MLIP: variants seen among roughly 807,000 people sequenced by gnomAD.
The protein encoded by MLIP is muscular LMNA-interacting protein.
In MLIP, 79 loss-of-function variants were observed where a neutral mutation model predicts 84.8. That is an observed-to-expected ratio of 0.93 (90% CI 0.78 to 1.12). MLIP has a LOEUF of 1.12. MLIP is among the 50% of genes most tolerant of loss of function. The pLI is 0.00. For missense variants in MLIP, 1,257 were observed against 1,160.6 expected, an observed-to-expected ratio of 1.08 and a Z score of -1.21; for synonymous variants, 504 against 463.0, an observed-to-expected ratio of 1.09 and a Z score of -1.14.
intron 1 of MLIP, among the ~76,000 whole-genome samples, chr6:54,092,172 C>T (rs943446553): frequency 7.2e-5 from 11 of 152,158 alleles, no homozygotes; most frequent in Non-Finnish European, 1.0e-4. Context: ...ATTTATCACA[C>T]GCACTGGCAC....
chr6:54,243,910 A>C (rs757523746), intron 12 of MLIP, among the ~76,000 whole-genome samples: 1 of 152,196 alleles, frequency 6.6e-6, no homozygotes, highest in East Asian at 1.9e-4. Flanking sequence ...AGGCCATGGC[A>C]TGAGTTACTG....
At chr6:54,026,194 A>G (rs1011391140) in intron 1 of MLIP, among the ~76,000 whole-genome samples, 4 of 152,172 alleles carry the variant, frequency 2.6e-5, no homozygotes, top group Non-Finnish European at 4.4e-5. Context: ...CGAGATGTCA[A>G]TAAGAGGATT....
intron 9 of MLIP, among the ~76,000 whole-genome samples, chr6:54,185,768 T>C (rs1352719156): frequency 3.3e-5 from 5 of 152,188 alleles, no homozygotes; most frequent in Non-Finnish European, 5.9e-5. Context: ...GCTTTCATTA[T>C]TGCAATAAGA....
intron 1 of MLIP, among the ~76,000 whole-genome samples, chr6:54,033,879 TTACTAC>T: frequency 6.6e-6 from 1 of 152,316 alleles, no homozygotes; most frequent in South Asian, 2.1e-4. Flanking sequence ...GAATAAAATC[TTACTAC>T]TATAGACTCT....
At chr6:54,021,418 A>G (rs1442924659) in intron 1 of MLIP, among the ~76,000 whole-genome samples, 4 of 152,214 alleles carry the variant, frequency 2.6e-5, no homozygotes, top group Admixed American at 6.5e-5. Flanking sequence ...TCACGCACTT[A>G]AGCAATATGT....
chr6:54,035,032 T>G, intron 1 of MLIP, among the ~76,000 whole-genome samples: 1 of 152,282 alleles, frequency 6.6e-6, no homozygotes, highest in East Asian at 1.9e-4. Context: ...GTTGTACAGG[T>G]TTGTAGCCTA....
chr6:54,254,145 T>C lies in MLIP; in HGVS notation c.2923-3163T>C, dbSNP rs543355959. ...TTTTTTGCTGTTTTTTTTTTTTTTT[T>C]ACGTGGAGTGTTGCTCTGTCACCCA... is the stretch of plus-strand genomic sequence containing the variant. On this transcript the variant is annotated intron_variant, in intron 12 of 13. Transcript: ENST00000502396. Among the ~76,000 whole-genome samples the C allele has an allele frequency of 5.3e-3, 770 of 144,424 alleles. 7 individuals are homozygous for C. The highest frequency in any genetic ancestry group is 0.019 in the African/African-American group (702 of 37,820). 94.7% of individuals were successfully genotyped at this position (144,424 alleles called of 152,430 possible).
chr6:54,022,121 C>G (rs1398320770), intron 1 of MLIP, among the ~76,000 whole-genome samples: 1 of 152,104 alleles, frequency 6.6e-6, no homozygotes, highest in Admixed American at 6.6e-5. Context: ...AACTCTGTTC[C>G]TGGGAATTCT....
chr6:54,071,105 A>G (rs182202183), intron 1 of MLIP, among the ~76,000 whole-genome samples: 8 of 152,270 alleles, frequency 5.3e-5, no homozygotes, highest in African/African-American at 1.9e-4. Context: ...TGATTCTCTC[A>G]TAGGTATTTG....
intron 1 of MLIP, among the ~76,000 whole-genome samples, chr6:54,062,188 G>GT (rs201279091): frequency 2.7e-4 from 41 of 151,288 alleles, no homozygotes; most frequent in East Asian, 1.6e-3. Context: ...TTAACAGTAT[G>GT]TTTTTTTTTC....
At position 54,124,577 on chromosome 6, in the gene MLIP, A is replaced by C. The variant is rs1770745195; in HGVS notation, c.357A>C (p.Glu119Asp). The change falls in exon 3 of 14, where the codon GAA becomes GAC. Residue 119 changes from glutamate to aspartate, a missense_variant. Physicochemically the swap from Glu to Asp is conservative, Grantham distance 45. Transcript: ENST00000502396. ...PSEVSGTILQ[E>D]REFEANKLQG... ...AGGTCAGTGGAACGATTTTACAAGA[A>C]AGGGAATTCGAAGCAAACAAACTTC... is the stretch of plus-strand genomic sequence containing the variant. The C allele has an allele frequency of 6.2e-7, 1 of 1,614,206 alleles. No homozygotes were observed. The highest frequency in any genetic ancestry group is 8.5e-7 in the Non-Finnish European group (1 of 1,180,028).
At chr6:54,118,786 C>T (rs1411547281) in intron 1 of MLIP, among the ~76,000 whole-genome samples, 1 of 151,552 alleles carries the variant, frequency 6.6e-6, no homozygotes, top group Non-Finnish European at 1.5e-5. Flanking sequence ...GGTTAGTAAC[C>T]AAAAAATATT....
intron 9 of MLIP, among the ~76,000 whole-genome samples, chr6:54,180,160 A>G (rs924485841): frequency 6.6e-6 from 1 of 152,008 alleles, no homozygotes; most frequent in Non-Finnish European, 1.5e-5. Context: ...CTGGCCTGTA[A>G]TGTTTCCACT....
At chr6:54,251,456 A>ATATATATATATC (rs1782477835) in intron 12 of MLIP, among the ~76,000 whole-genome samples, 1 of 132,042 alleles carries the variant, frequency 7.6e-6, no homozygotes, top group African/African-American at 3.2e-5. Flanking sequence ...ATATATATAT[A>ATATATATATATC]TATATATATA....
At chr6:54,171,358 A>G (rs1775751992) in intron 9 of MLIP, among the ~76,000 whole-genome samples, 1 of 151,644 alleles carries the variant, frequency 6.6e-6, no homozygotes, top group African/African-American at 2.4e-5. Context: ...CTTGACCTTA[A>G]TTAAAATTCG....
Position 54,230,848 on chromosome 6 carries a change from T to A in MLIP, c.2853T>A (p.His951Gln). ...ADCLAPGPFS[H>Q]LSFSLSDEQE... ...GTCTTGCCCCAGGACCCTTCAGTCATCTGTCCTTCTCCTTGAGTGATGAAC... is the reference window on the plus strand; with the variant it reads ...GTCTTGCCCCAGGACCCTTCAGTCAACTGTCCTTCTCCTTGAGTGATGAAC... Residue 951 changes from histidine (H) to glutamine (Q), a missense_variant, in exon 12 of 14, where the codon CAT (histidine) becomes CAA (glutamine). Coordinates refer to ENST00000502396, the MANE Select transcript of MLIP (RefSeq NM_001281747.2). 1 of 1,614,028 alleles carries A rather than the reference T, an allele frequency of 6.2e-7. No homozygotes were observed. Among genetic ancestry groups the A allele is most frequent in the Non-Finnish European group, 8.5e-7 (1 of 1,179,966 alleles).
At chr6:54,150,472 ACT>A (rs1342711670) in intron 5 of MLIP, among the ~76,000 whole-genome samples, 1 of 151,730 alleles carries the variant, frequency 6.6e-6, no homozygotes, top group Non-Finnish European at 1.5e-5. Context: ...CACACCACAG[ACT>A]CTCTGCTTAT....
In MLIP at chr6:54,124,758, A is replaced by G; in HGVS notation, c.538A>G (p.Ser180Gly). ...VRPKSLAISS[S>G]LVSDVVRPKT... ...GCCCAAGTCTCTAGCTATCTCGTCC[A>G]GTCTGGTCTCTGATGTAGTGCGTCC... Residue 180 changes from serine to glycine, a missense_variant, in exon 3 of 14, where the codon AGT (serine) becomes GGT (glycine). By Grantham distance (56) the Ser-to-Gly change is moderately conservative. Transcript: ENST00000502396. 6.2e-7 allele frequency: 1 copy of G among 1,614,216 alleles called. No homozygotes were observed. Among genetic ancestry groups the G allele is most frequent in the Non-Finnish European group, 8.5e-7 (1 of 1,180,030 alleles).
intron 9 of MLIP, among the ~76,000 whole-genome samples, chr6:54,177,842 C>T (rs758626684): frequency 1.8e-4 from 28 of 152,172 alleles, no homozygotes; most frequent in Admixed American, 4.6e-4. Flanking sequence ...GGTACATATA[C>T]ACCATGGAAT....
Sources: gnomAD v4.1 joint callset for allele counts (sites outside exome capture counted in the v4.1 genomes callset) on GRCh38, gnomAD v4.1.1 for gene constraint, MANE v1.5 for transcripts, NCBI Gene and HGNC (gene_info 2026-07-23, HGNC 2026-07-21) for gene names.